Variants in RBFOX1 observed in about 807,000 individuals in gnomAD.
RBFOX1 encodes RNA binding protein fox-1 homolog 1.
A neutral mutation model predicts 57.7 loss-of-function variants in RBFOX1; 8 were observed. The ratio of observed to expected loss-of-function variants is 0.14; its 90% confidence interval spans 0.08 to 0.25. RBFOX1 has a LOEUF of 0.25. Among genes scored for constraint, RBFOX1 ranks in the 10% least tolerant of loss-of-function variants. The pLI is 1.00. For synonymous variants in RBFOX1, 326 were observed against 222.4 expected (o/e 1.47, Z -4.15); for missense variants, 611 against 548.5 (o/e 1.11, Z -1.14).
chr16:6,086,622 T>A (rs1053359851), intron 1 of RBFOX1, among the ~76,000 whole-genome samples: 4 of 152,178 alleles, frequency 2.6e-5, no homozygotes, highest in Non-Finnish European at 4.4e-5. Flanking sequence ...CATGCTTGGT[T>A]GGGGTTCATT....
At chr16:6,967,614 T>C (rs2084565726) in intron 3 of RBFOX1, among the ~76,000 whole-genome samples, 1 of 152,086 alleles carries the variant, frequency 6.6e-6, no homozygotes, top group African/African-American at 2.4e-5. Flanking sequence ...CCCTCAGTAC[T>C]CAGTACACTT....
intron 4 of RBFOX1, among the ~76,000 whole-genome samples, chr16:7,385,097 G>A (rs191769798): frequency 6.6e-6 from 1 of 152,230 alleles, no homozygotes; most frequent in Non-Finnish European, 1.5e-5. Flanking sequence ...GGAAAATAGA[G>A]AGAGGGGCAC....
chr16:5,514,987 G>A (rs1241952834), intron 2 of RBFOX1, among the ~76,000 whole-genome samples: 1 of 152,150 alleles, frequency 6.6e-6, no homozygotes, highest in East Asian at 1.9e-4. Context: ...CATGGTGGAA[G>A]GTGAAGGGGA....
chr16:5,924,221 A>C (rs947164159), intron 4 of RBFOX1, among the ~76,000 whole-genome samples: 3 of 152,172 alleles, frequency 2.0e-5, no homozygotes, highest in African/African-American at 7.2e-5. Context: ...TGAGTCAATT[A>C]AACCTCTTTC....
At chr16:7,157,322 A>G (rs184354657) in intron 4 of RBFOX1, among the ~76,000 whole-genome samples, 4 of 152,286 alleles carry the variant, frequency 2.6e-5, no homozygotes, top group African/African-American at 9.6e-5. Context: ...ACAAACTATC[A>G]CAGAAAACAT....
chr16:6,222,097 C>T (rs5008174), intron 1 of RBFOX1, among the ~76,000 whole-genome samples: 4,872 of 152,182 alleles, frequency 0.032, 110 homozygotes, highest in Non-Finnish European at 0.048. Context: ...TGACTGAAGA[C>T]ATGTTTATTT....
intron 3 of RBFOX1, among the ~76,000 whole-genome samples, chr16:6,987,416 C>G (rs888363440): frequency 6.8e-6 from 1 of 148,040 alleles, no homozygotes; most frequent in South Asian, 2.2e-4. Context: ...ATCTCCCGAG[C>G]CACTAGGCTT....
At chr16:6,388,554 A>ATG (rs1282622388) in intron 2 of RBFOX1, among the ~76,000 whole-genome samples, 2 of 152,216 alleles carry the variant, frequency 1.3e-5, no homozygotes, top group South Asian at 2.1e-4. Flanking sequence ...ATATATATAT[A>ATG]TAATGGAATA....
intron 14 of RBFOX1, among the ~76,000 whole-genome samples, chr16:7,700,099 T>TA (rs2080172967): frequency 1.3e-5 from 2 of 152,064 alleles, no homozygotes; most frequent in African/African-American, 4.8e-5. Flanking sequence ...TTTGATCTGC[T>TA]TGCTTTGAGG....
intron 2 of RBFOX1, among the ~76,000 whole-genome samples, chr16:5,508,986 A>C (rs1367589053): frequency 6.6e-6 from 1 of 152,208 alleles, no homozygotes; most frequent in Admixed American, 6.5e-5. Flanking sequence ...CTTAAACTCC[A>C]GGGTCCTATT....
intron 4 of RBFOX1, among the ~76,000 whole-genome samples, chr16:5,948,417 C>T (rs1418231483): frequency 1.3e-5 from 2 of 152,212 alleles, no homozygotes; most frequent in Non-Finnish European, 2.9e-5. Context: ...TTGGGTTGAA[C>T]AGCGTCTGCC....
In RBFOX1 at chr16:7,710,751, A is replaced by T. The variant is rs1222196260; in HGVS notation, c.*6A>T. 1 of 1,552,590 alleles carries T rather than the reference A, an allele frequency of 6.4e-7. No individual in the cohort carries two copies. The highest frequency in any genetic ancestry group is 8.7e-7 in the Non-Finnish European group (1 of 1,152,422). ...ACCGTTTTGCTCCATACTAAATGAC[A>T]AAACCATAAAAACCTTCCAATGTGG... On this transcript the variant is annotated 3_prime_UTR_variant, in exon 16 of 16. Transcript: ENST00000550418.
intron 3 of RBFOX1, chr16:6,873,814 G>T (rs1258961394): frequency 6.6e-6 from 1 of 152,124 alleles, no homozygotes; most frequent in Non-Finnish European, 1.5e-5. Context: ...CCATTTTCCA[G>T]ATAAGGAAAC....
intron 1 of RBFOX1, among the ~76,000 whole-genome samples, chr16:6,095,537 A>C (rs1478759374): frequency 6.6e-6 from 1 of 152,170 alleles, no homozygotes; most frequent in East Asian, 1.9e-4. Flanking sequence ...CAGAACTGGA[A>C]GCAAGTGGAA....
intron 4 of RBFOX1, among the ~76,000 whole-genome samples, chr16:7,502,541 G>C (rs62011859): frequency 0.11 from 16,564 of 152,192 alleles, 947 homozygotes; most frequent in East Asian, 0.17. Flanking sequence ...AGAAGAAATA[G>C]AAGATATGTT....
chr16:6,691,723 C>T (rs536240549), intron 3 of RBFOX1, among the ~76,000 whole-genome samples: 71 of 152,162 alleles, frequency 4.7e-4, no homozygotes, highest in Non-Finnish European at 6.3e-4. Flanking sequence ...ATGGATATGT[C>T]ACCGCACATG....
intron 1 of RBFOX1, among the ~76,000 whole-genome samples, chr16:6,041,328 A>G (rs2095434041): frequency 6.6e-6 from 1 of 152,106 alleles, no homozygotes; most frequent in Admixed American, 6.5e-5. Context: ...TTCACTACTT[A>G]AAAAGCTGGG....
At chr16:6,504,147 A>C (rs1361966280) in intron 2 of RBFOX1, among the ~76,000 whole-genome samples, 1 of 152,188 alleles carries the variant, frequency 6.6e-6, no homozygotes, top group Non-Finnish European at 1.5e-5. Context: ...CTCTAGTGAC[A>C]AAGAACAACC....
intron 4 of RBFOX1, among the ~76,000 whole-genome samples, chr16:7,173,490 C>G (rs918104509): frequency 6.7e-6 from 1 of 149,984 alleles, no homozygotes; most frequent in Non-Finnish European, 1.5e-5. Context: ...TTCCATTTGA[C>G]ACTTTTTTTT....
Sources: allele counts gnomAD v4.1 joint callset (sites outside exome capture counted in the v4.1 genomes callset), GRCh38; gene constraint gnomAD v4.1.1; transcripts MANE v1.5; gene names NCBI Gene and HGNC (gene_info 2026-07-23, HGNC 2026-07-21).